Variants in HMCN1 observed in about 807,000 individuals in gnomAD.
HMCN1 encodes hemicentin-1.
A neutral mutation model predicts 625.9 loss-of-function variants in HMCN1; 321 were observed. The ratio of observed to expected loss-of-function variants is 0.51; its 90% CI spans 0.47 to 0.56. The LOEUF (loss-of-function observed/expected upper bound fraction) is 0.56, where lower values mean the gene tolerates loss of function less well. Ranked by LOEUF, HMCN1 falls within the 20% of genes least tolerant of loss-of-function variation. The pLI is 0.00. For synonymous variants in HMCN1, 2,425 were observed against 2,417.6 expected (o/e 1.00, Z -0.09); for missense variants, 6,588 against 6,887.3 (o/e 0.96, Z 1.54).
chr1:186,081,103 G>A (rs554885182), intron 55 of HMCN1, 104 bp from the exon 56 acceptor site: 63 of 901,878 alleles, frequency 7.0e-5, no homozygotes, highest in Middle Eastern at 6.3e-4. Flanking sequence ...TTCAAGTTTT[G>A]CTTCTCTATT....
intron 11 of HMCN1, among the ~76,000 whole-genome samples, chr1:185,960,693 A>G (rs1050615388): frequency 7.2e-5 from 11 of 152,208 alleles, no homozygotes; most frequent in African/African-American, 2.2e-4. Context: ...CTACATTGGA[A>G]GACACCAAGT....
At chr1:185,993,366 G>A (rs769426108) in intron 23 of HMCN1, 57 bp downstream of exon 23, 60 of 1,594,296 alleles carry the variant, frequency 3.8e-5, no homozygotes, top group Admixed American at 1.2e-4. Flanking sequence ...ACAAAAACCC[G>A]TAATCCTAGT....
At chr1:185,831,208 T>G (rs1047350304) in intron 1 of HMCN1, among the ~76,000 whole-genome samples, 4 of 152,162 alleles carry the variant, frequency 2.6e-5, no homozygotes, top group East Asian at 1.9e-4. Context: ...ATAAACATCC[T>G]GATTAAAGGT....
rs544515363 is a variant in HMCN1, at chr1:185,949,686, A to G, written c.1829-12832A>G. ...GGAATTATGTCTGACAGAAGGGAAG[A>G]AATGACTGTGGTGGCCTTCTCAGAC... On this transcript the variant is annotated intron_variant, in intron 11 of 106. Transcript: ENST00000271588. 2.7e-4 allele frequency among the ~76,000 whole-genome samples: 41 copies of G among 152,018 alleles called. 1 individual carries two copies. The highest frequency in any genetic ancestry group is 9.7e-4 in the African/African-American group (40 of 41,304).
intron 28 of HMCN1, among the ~76,000 whole-genome samples, chr1:186,003,517 A>T (rs1653332429): frequency 1.3e-5 from 2 of 152,156 alleles, no homozygotes; most frequent in Non-Finnish European, 2.9e-5. Flanking sequence ...TTGCTAGCAA[A>T]TATTTTATAA....
intron 1 of HMCN1, among the ~76,000 whole-genome samples, chr1:185,773,889 T>C (rs1163682351): frequency 6.6e-6 from 1 of 152,114 alleles, no homozygotes; most frequent in Non-Finnish European, 1.5e-5. Context: ...CAATCAGAGC[T>C]TGGAGAGCAA....
At chr1:186,121,541 C>G (rs1324496545) in intron 80 of HMCN1, among the ~76,000 whole-genome samples, 2 of 152,082 alleles carry the variant, frequency 1.3e-5, no homozygotes, top group Non-Finnish European at 2.9e-5. Flanking sequence ...GGGCTTCAGA[C>G]TTAAGCTAGT....
chr1:186,086,236 A>G lies in HMCN1; in HGVS notation c.8885-10A>G. ...ACCTGCTTTCACTTTTAATATATTT[A>G]CTATTATAGTTCCTCCAAGTGTCAT... On this transcript the variant is annotated splice_polypyrimidine_tract_variant and intron_variant, in intron 57 of 106. Coordinates refer to ENST00000271588, the MANE Select transcript of HMCN1 (RefSeq NM_031935.3). 4 of 1,603,144 alleles carry G rather than the reference A, an allele frequency of 2.5e-6. No individual in the cohort carries two copies. The highest frequency in any genetic ancestry group is 3.4e-6 in the Non-Finnish European group (4 of 1,170,584).
At chr1:185,934,442 A>C (rs1004073722) in intron 11 of HMCN1, among the ~76,000 whole-genome samples, 8 of 152,316 alleles carry the variant, frequency 5.3e-5, no homozygotes, top group African/African-American at 1.9e-4. Context: ...GAATGTTCCA[A>C]TAGTTGAAAA....
chr1:186,028,586 A>G (rs541181842), intron 36 of HMCN1, among the ~76,000 whole-genome samples: 26 of 152,288 alleles, frequency 1.7e-4, no homozygotes, highest in African/African-American at 6.0e-4. Flanking sequence ...CCCCCCAAGA[A>G]TCAGTGGGTT....
intron 1 of HMCN1, among the ~76,000 whole-genome samples, chr1:185,763,235 A>C (rs1124755): frequency 0.047 from 7,100 of 152,232 alleles, 466 homozygotes; most frequent in African/African-American, 0.15. Context: ...CACCGGAGAA[A>C]CAACACTGGG....
At chr1:186,121,678 A>G (rs1338050351) in intron 80 of HMCN1, among the ~76,000 whole-genome samples, 1 of 152,118 alleles carries the variant, frequency 6.6e-6, no homozygotes, top group African/African-American at 2.4e-5. Context: ...GATGTCAAGT[A>G]GAGAGTTGAA....
At chr1:185,746,605 C>CTTTT (rs59992589) in intron 1 of HMCN1, among the ~76,000 whole-genome samples, 8 of 132,354 alleles carry the variant, frequency 6.0e-5, no homozygotes, top group African/African-American at 8.7e-5. Flanking sequence ...TTTCCTTTTC[C>CTTTT]TTTTTTTTTT....
At chr1:186,115,486 A>C (rs1439839635) in intron 75 of HMCN1, 72 bp downstream of exon 75, 2 of 1,383,154 alleles carry the variant, frequency 1.4e-6, no homozygotes, top group Non-Finnish European at 2.0e-6. Context: ...TAATTCTATC[A>C]GTGGGGTCAG....
chr1:186,169,899 A>C (rs1652114017), intron 100 of HMCN1, among the ~76,000 whole-genome samples: 1 of 152,112 alleles, frequency 6.6e-6, no homozygotes, highest in African/African-American at 2.4e-5. Flanking sequence ...CAACCTACAA[A>C]ATGGGAGAAA....
chr1:186,052,982 T>C lies in HMCN1; in HGVS notation c.6608T>C (p.Leu2203Pro), dbSNP rs1352917160. ...CCAAATATTGGTGGTTCTGATGAACTTACTCAACTTACAGTCATTGAAGGG... is the reference window on the plus strand; with the variant it reads ...CCAAATATTGGTGGTTCTGATGAACCTACTCAACTTACAGTCATTGAAGGG... ...VPPNIGGSDE[L>P]TQLTVIEGNL... is the part of the protein sequence containing the mutation. The change falls in exon 43 of 107, where the codon CTT becomes CCT. Residue 2203 changes from leucine to proline, a missense_variant. Transcript: ENST00000271588. 1 of 1,607,716 alleles carries C rather than the reference T, an allele frequency of 6.2e-7. No individual in the cohort carries two copies. The highest frequency in any genetic ancestry group is 1.1e-5 in the South Asian group (1 of 90,840).
At chr1:185,766,012 C>A (rs190553118) in intron 1 of HMCN1, among the ~76,000 whole-genome samples, 9 of 152,236 alleles carry the variant, frequency 5.9e-5, no homozygotes, top group African/African-American at 2.2e-4. Context: ...ATCCTTATGA[C>A]TACCTCCAGG....
intron 19 of HMCN1, among the ~76,000 whole-genome samples, 184 bp from the exon 20 acceptor site, chr1:185,987,248 C>G (rs1386826970): frequency 6.6e-6 from 1 of 152,048 alleles, no homozygotes; most frequent in East Asian, 1.9e-4. Context: ...CAGATCATAA[C>G]TACTTTATTG....
rs952090412 is a variant in HMCN1 at position 186,016,112 on chromosome 1, C to T, written c.5064C>T (p.Ile1688=). 1 of 1,613,436 alleles carries T rather than the reference C, an allele frequency of 6.2e-7. No individual in the cohort carries two copies. ...TACCTGTGAAAGCTAATGACAATATCCGCATAGAAGCTGGTGGGAAGAAAC... is the reference window on the plus strand; with the variant it reads ...TACCTGTGAAAGCTAATGACAATATTCGCATAGAAGCTGGTGGGAAGAAAC... ...DGVPVKANDN[I]RIEAGGKKLE... is the part of the protein sequence containing the mutation. Residue 1688 remains isoleucine (I), a synonymous_variant, in exon 32 of 107, where the codon ATC becomes ATT. Transcript: ENST00000271588.
Sources: allele counts gnomAD v4.1 joint callset (sites outside exome capture counted in the v4.1 genomes callset), GRCh38; gene constraint gnomAD v4.1.1; transcripts MANE v1.5; gene names NCBI Gene and HGNC (gene_info 2026-07-23, HGNC 2026-07-21).